The following CACNA1G variants were observed in gnomAD, a reference collection of about 807,000 sequenced individuals.
CACNA1G encodes the protein voltage-dependent T-type calcium channel subunit alpha-1G.
Under a neutral mutation model 219.4 loss-of-function variants are expected in CACNA1G, and 67 were observed. The observed-to-expected ratio is 0.31, with a 90% CI of 0.25 to 0.37. The LOEUF (loss-of-function observed/expected upper bound fraction) is 0.37, where lower values mean the gene tolerates loss of function less well. CACNA1G is among the 10% of genes least tolerant of loss of function. The pLI is 1.00. For missense variants in CACNA1G, 2,380 were observed against 3,231.4 expected (o/e 0.74, Z 6.39); for synonymous variants, 1,296 against 1,345.3 (o/e 0.96, Z 0.80).
chr17:50,619,609 C>T (rs1303236390), intron 33 of CACNA1G, 74 bp from the exon 34 acceptor site: 20 of 1,447,962 alleles, frequency 1.4e-5, no homozygotes, highest in Admixed American at 2.0e-5. Flanking sequence ...TCCCCTTCCA[C>T]GACACTTCCC....
In CACNA1G at chr17:50,627,298, C is replaced by T. The variant is rs1346574760; in HGVS notation, c.*547C>T. The stretch of plus-strand genomic sequence containing the variant: ...CGGAGAGCGAGAACCATTTTGGAAA[C>T]TGTAATGTAACTTATTTTTTCCTTT... On this transcript the variant is annotated 3_prime_UTR_variant, in exon 38 of 38. Coordinates refer to ENST00000359106, the MANE Select transcript of CACNA1G (RefSeq NM_018896.5). The T allele has an allele frequency of 6.8e-6, 3 of 439,038 alleles. No individual in the cohort carries two copies. The highest frequency in any genetic ancestry group is 2.4e-5 in the Admixed American group (1 of 41,236). 27.2% of individuals were successfully genotyped at this position (439,038 alleles called of 1,614,324 possible). A position where few individuals can be genotyped will look rare whatever the true frequency, so the allele number is the denominator to read the frequency against.
At chr17:50,614,293 G>T (rs540355312) in intron 26 of CACNA1G, among the ~76,000 whole-genome samples, 1 of 152,326 alleles carries the variant, frequency 6.6e-6, no homozygotes, top group African/African-American at 2.4e-5. Flanking sequence ...CTCAGAGGCG[G>T]CAGCCCTCAC....
Position 50,599,573 on chromosome 17 carries a change from A to C in CACNA1G, c.3404A>C (p.Glu1135Ala). ...SGERRSLLSG[E>A]GQESQDEEES... ...GAGCGGCGGTCCCTGTTGTCGGGAG[A>C]AGGCCAGGAGAGCCAGGATGAAGAG... is the stretch of plus-strand genomic sequence containing the variant. The change falls in exon 17 of 38, where the codon GAA becomes GCA. Residue 1135 changes from glutamate (E) to alanine (A), a missense_variant. Physicochemically the swap from Glu to Ala is moderately radical, Grantham distance 107 (BLOSUM62 -1). Transcript: ENST00000359106. 6.2e-7 allele frequency: 1 copy of C among 1,613,102 alleles called. No individual in the cohort carries two copies. The highest frequency in any genetic ancestry group is 8.5e-7 in the Non-Finnish European group (1 of 1,179,582).
chr17:50,613,942 A>G (rs2049855972), intron 26 of CACNA1G, among the ~76,000 whole-genome samples: 1 of 152,182 alleles, frequency 6.6e-6, no homozygotes, highest in Non-Finnish European at 1.5e-5. Flanking sequence ...ACAGAGCCAC[A>G]GTTGGCTGGC....
chr17:50,593,597 C>T (rs2044836672), intron 13 of CACNA1G, among the ~76,000 whole-genome samples: 3 of 152,228 alleles, frequency 2.0e-5, no homozygotes, highest in African/African-American at 2.4e-5. Context: ...GGCCCTGGGG[C>T]GGCCTGGTCA....
chr17:50,615,631 A>C, intron 27 of CACNA1G, 119 bp downstream of exon 27: 2 of 1,069,304 alleles, frequency 1.9e-6, no homozygotes, highest in Non-Finnish European at 2.6e-6. Flanking sequence ...GGCACACTAC[A>C]TGGGTTCCTC....
chr17:50,586,037 T>G (rs2042919690), intron 9 of CACNA1G, among the ~76,000 whole-genome samples: 1 of 152,206 alleles, frequency 6.6e-6, no homozygotes, highest in Non-Finnish European at 1.5e-5. Context: ...TGACGAGGCC[T>G]GTCCAGCCCC....
At chr17:50,573,154 G>A (rs1046010419) in intron 7 of CACNA1G, 41 bp downstream of exon 7, 1 of 1,438,028 alleles carries the variant, frequency 7.0e-7, no homozygotes, top group Non-Finnish European at 9.6e-7. Flanking sequence ...GGGCGATCCT[G>A]GGGACACCTG....
In CACNA1G at chr17:50,596,705, G is replaced by C; in HGVS notation, c.3065-25G>C. ...CTGGGCCAGCCCTGTGTGGACTCGG[G>C]ATCTCTCCCTCTCTCCCCGTGCAGT... On this transcript the variant is annotated intron_variant, in intron 15 of 37. Transcript: ENST00000359106. This position sits in a 1 kb window ranked among gnomAD's most constrained non-coding sequence, Gnocchi z 4.8. 1 of 1,613,538 alleles carries C rather than the reference G, an allele frequency of 6.2e-7. No individual in the cohort carries two copies. Among genetic ancestry groups the C allele is most frequent in the Non-Finnish European group, 8.5e-7 (1 of 1,179,674 alleles).
chr17:50,623,186 C>T (rs1387393861), intron 35 of CACNA1G, among the ~76,000 whole-genome samples: 1 of 150,410 alleles, frequency 6.6e-6, no homozygotes, highest in African/African-American at 2.5e-5. Context: ...GCTTTGACCC[C>T]CCCGGCTCAA....
chr17:50,585,687 G>A (rs768722025), intron 9 of CACNA1G, among the ~76,000 whole-genome samples: 11 of 152,120 alleles, frequency 7.2e-5, no homozygotes, highest in African/African-American at 9.7e-5. Flanking sequence ...GGGGGCTGGG[G>A]AAGACCAGGA....
chr17:50,615,486 G>T lies in CACNA1G; in HGVS notation c.4885G>T (p.Ala1629Ser). ...CATCGGGCTGAACGTGGTCACCATG[G>T]CCATGGAGCACTACCAGCAGCCCCA... is the stretch of plus-strand genomic sequence containing the variant. ...GVIGLNVVTM[A>S]MEHYQQPQIL... Residue 1629 changes from alanine to serine, a missense_variant, in exon 27 of 38, where the codon GCC becomes TCC. Transcript: ENST00000359106. 6.2e-7 allele frequency: 1 copy of T among 1,613,542 alleles called. No individual in the cohort carries two copies. Among genetic ancestry groups the T allele is most frequent in the Non-Finnish European group, 8.5e-7 (1 of 1,179,600 alleles).
rs962353730 is a variant in CACNA1G, at chr17:50,621,070, G to A, written c.5926-590G>A. On this transcript the variant is annotated intron_variant, in intron 34 of 37. Transcript: ENST00000359106. The surrounding 1 kb of genome is among the most constrained non-coding windows in gnomAD (Gnocchi z 4.6). ...AGAGCCCAAGTTGGAGAGGGCGGGCGGGCTGCAGGCAGGCGGAGGAGGGCC... is the reference window on the plus strand; with the variant it reads ...AGAGCCCAAGTTGGAGAGGGCGGGCAGGCTGCAGGCAGGCGGAGGAGGGCC... Among the ~76,000 whole-genome samples, 1 of 152,160 alleles carries A rather than the reference G, an allele frequency of 6.6e-6. No individual in the cohort carries two copies. The highest frequency in any genetic ancestry group is 2.4e-5 in the African/African-American group (1 of 41,440).
Position 50,596,877 on chromosome 17 carries a change from G to A in CACNA1G, c.3212G>A (p.Ser1071Asn). 3.1e-6 allele frequency: 5 copies of A among 1,589,338 alleles called. No homozygotes were observed. Among genetic ancestry groups the A allele is most frequent in the African/African-American group, 1.3e-5 (1 of 74,468 alleles). Reference protein sequence around the residue: ...ALGPASRRTSSSGSAEPGAAH... With the variant: ...ALGPASRRTSNSGSAEPGAAH... ...GGCCCTGCGTCGCGCCGCACCAGCA[G>A]CAGCGGGTCGGCAGAGCCTGGGGCG... Residue 1071 changes from serine to asparagine, a missense_variant, in exon 16 of 38, where the codon AGC becomes AAC. Physicochemically the swap from Ser to Asn is conservative, Grantham distance 46. Transcript: ENST00000359106. The surrounding 1 kb of genome is among the most constrained non-coding windows in gnomAD (Gnocchi z 4.8).
rs745344869 is a variant in CACNA1G at position 50,619,739 on chromosome 17, G to A, written c.5838G>A (p.Glu1946=). The A allele has an allele frequency of 3.1e-6, 5 of 1,610,148 alleles. No homozygotes were observed. The highest frequency in any genetic ancestry group is 4.2e-6 in the Non-Finnish European group (5 of 1,179,214). The change falls in exon 34 of 38, where the codon GAG becomes GAA. Residue 1946 remains glutamate, a synonymous_variant. Transcript: ENST00000359106. ...TGATCCAGGGCTCCCTGGAGTGGGAGCTGAAGCTGATGGACGAGCTGGCAG... is the reference window on the plus strand; with the variant it reads ...TGATCCAGGGCTCCCTGGAGTGGGAACTGAAGCTGATGGACGAGCTGGCAG... ...SLLIQGSLEW[E]LKLMDELAGP...
Position 50,567,668 on chromosome 17 carries a change from A to G in CACNA1G, c.243-1202A>G, listed in dbSNP as rs533964201. ...GGGGGTCTCTGGTCTCCTTTCCCCAATCTCCTGCTCTCTGATCTTTTCTAG... is the reference window on the plus strand; with the variant it reads ...GGGGGTCTCTGGTCTCCTTTCCCCAGTCTCCTGCTCTCTGATCTTTTCTAG... On this transcript the variant is annotated intron_variant, in intron 1 of 37. Coordinates refer to ENST00000359106, the MANE Select transcript of CACNA1G (RefSeq NM_018896.5). Among the ~76,000 whole-genome samples the G allele has an allele frequency of 9.2e-5, 14 of 151,786 alleles. No individual in the cohort carries two copies. In the South Asian group the frequency reaches 1.3e-3, roughly 14 times the overall value.
chr17:50,574,952 G>A (rs2040313963), intron 7 of CACNA1G, among the ~76,000 whole-genome samples: 1 of 152,060 alleles, frequency 6.6e-6, no homozygotes, highest in Non-Finnish European at 1.5e-5. Context: ...GGGAAAATGG[G>A]GACAGACAAG....
rs201565895 is a variant in CACNA1G, at chr17:50,621,694, C to A, written c.5960C>A (p.Thr1987Lys). Residue 1987 changes from threonine to lysine, a missense_variant, in exon 35 of 38, where the codon ACG becomes AAG. This residue lies in a region of CACNA1G where 672 missense variants were observed against 670.5 expected (regional missense o/e 1.00). Coordinates refer to ENST00000359106, the MANE Select transcript of CACNA1G (RefSeq NM_018896.5). This position sits in a 1 kb window ranked among gnomAD's most constrained non-coding sequence, Gnocchi z 4.6. Reference sequence around the variant, plus strand: ...GCTGAGATGGAGGCTCTGTCTCTGACGTCAGAGATTGTGTCTGAACCGTCC... The same window carrying A: ...GCTGAGATGGAGGCTCTGTCTCTGAAGTCAGAGATTGTGTCTGAACCGTCC... ...PLAEMEALSL[T>K]SEIVSEPSCS... 162 of 1,613,856 alleles carry A rather than the reference C, an allele frequency of 1.0e-4. 2 individuals are homozygous for A. The Middle Eastern group carries it at 3.0e-3, about 29-fold the overall frequency.
intron 37 of CACNA1G, 33 bp downstream of exon 37, chr17:50,624,562 G>T: frequency 6.5e-7 from 1 of 1,539,788 alleles, no homozygotes; most frequent in Non-Finnish European, 8.8e-7. Flanking sequence ...GCACAGGCCT[G>T]GGGGCTGGAC....
Sources: gnomAD v4.1 joint callset for allele counts (sites outside exome capture counted in the v4.1 genomes callset) on GRCh38, gnomAD v4.1.1 for gene constraint, gnomAD v4.1.1 regional missense constraint, Gnocchi (gnomAD v3.1) non-coding constraint, MANE v1.5 for transcripts, NCBI Gene and HGNC (gene_info 2026-07-23, HGNC 2026-07-21) for gene names.